Variants in FMNL2 observed in about 807,000 individuals in gnomAD.
FMNL2 encodes formin-like protein 2.
A neutral mutation model predicts 130.2 loss-of-function variants in FMNL2; 51 were observed. That is an observed-to-expected ratio of 0.39 (90% CI 0.31 to 0.49). The LOEUF is 0.49. Ranked by LOEUF, FMNL2 falls within the 20% of genes least tolerant of loss-of-function variation. FMNL2 has a pLI of 0.85. For synonymous variants in FMNL2, 465 were observed against 467.1 expected, an observed-to-expected ratio of 1.00 and a Z score of 0.06; for missense variants, 977 against 1,316.2, an observed-to-expected ratio of 0.74 and a Z score of 3.99.
intron 9 of FMNL2, among the ~76,000 whole-genome samples, chr2:152,589,451 A>G (rs1328569838): frequency 2.0e-5 from 3 of 152,282 alleles, no homozygotes; most frequent in East Asian, 1.9e-4. Context: ...CCCTTATTTC[A>G]TATTCTTGGA....
At position 152,649,123 on chromosome 2, in the gene FMNL2, T is replaced by C. The variant is rs937295364; in HGVS notation, c.*1218T>C. The C allele has an allele frequency of 6.6e-6, 1 of 152,626 alleles. No homozygotes were observed. The highest frequency in any genetic ancestry group is 1.5e-5 in the Non-Finnish European group (1 of 68,030). The allele number at this position is 152,626 out of a possible 1,614,324, so 9.5% of individuals were successfully genotyped here. A position where few individuals can be genotyped will look rare whatever the true frequency, so the allele number is the denominator to read the frequency against. ...AATATATTAATTGTAAAGTTTATTG[T>C]ATAGTATTTAACCGCTGAAGTTCCT... is the stretch of plus-strand genomic sequence containing the variant. On this transcript the variant is annotated 3_prime_UTR_variant, in exon 26 of 26. Coordinates refer to ENST00000288670, the MANE Select transcript of FMNL2 (RefSeq NM_052905.4).
chr2:152,353,591 G>T (rs1185715931), intron 1 of FMNL2, among the ~76,000 whole-genome samples: 1 of 152,122 alleles, frequency 6.6e-6, no homozygotes, highest in Admixed American at 6.5e-5. Context: ...TTTGAATCAG[G>T]ATTTTGCTGC....
intron 1 of FMNL2, among the ~76,000 whole-genome samples, chr2:152,407,320 C>T (rs1558836398): frequency 6.6e-6 from 1 of 151,904 alleles, no homozygotes; most frequent in Non-Finnish European, 1.5e-5. Context: ...TTACTATTAG[C>T]AGATGCTATT....
At chr2:152,593,860 AGTGTGTGTGTGTGTGTGTGTGTGTGTGT>A (rs70974873) in intron 9 of FMNL2, among the ~76,000 whole-genome samples, 4 of 113,294 alleles carry the variant, frequency 3.5e-5, no homozygotes, top group African/African-American at 1.4e-4. Context: ...AGAGAGAGAG[AGTGTGTGTGTGTGTGTGTGTGTGTGTGT>A]GTGTGTGTGT....
intron 13 of FMNL2, among the ~76,000 whole-genome samples, chr2:152,617,868 A>T (rs1699037916): frequency 6.6e-6 from 1 of 152,146 alleles, no homozygotes; most frequent in Admixed American, 6.5e-5. Context: ...ATGAAATTGC[A>T]CCTTTTATGT....
chr2:152,422,445 T>G (rs1195236797), intron 1 of FMNL2, among the ~76,000 whole-genome samples: 1 of 152,228 alleles, frequency 6.6e-6, no homozygotes, highest in African/African-American at 2.4e-5. Context: ...ATTCTTTTTT[T>G]GTTAATGGCT....
chr2:152,460,713 A>G (rs960704137), intron 1 of FMNL2, among the ~76,000 whole-genome samples: 12 of 152,246 alleles, frequency 7.9e-5, no homozygotes, highest in Middle Eastern at 3.4e-3. Context: ...TTAGATTCTC[A>G]TAGGAGTGTG....
At chr2:152,571,820 A>G (rs1696182953) in intron 6 of FMNL2, among the ~76,000 whole-genome samples, 2 of 152,194 alleles carry the variant, frequency 1.3e-5, no homozygotes, top group Admixed American at 1.3e-4. Flanking sequence ...AGCATCATGT[A>G]TATACATTAT....
chr2:152,644,842 A>G (rs1234268062), intron 25 of FMNL2, among the ~76,000 whole-genome samples: 1 of 152,196 alleles, frequency 6.6e-6, no homozygotes, highest in African/African-American at 2.4e-5. Context: ...GGGGGAAAAA[A>G]GGGTCAAACT....
chr2:152,510,967 G>A (rs1410461592), intron 1 of FMNL2, among the ~76,000 whole-genome samples: 2 of 152,170 alleles, frequency 1.3e-5, no homozygotes, highest in African/African-American at 4.8e-5. Flanking sequence ...GCTCCTTCAT[G>A]AGTTGATAGT....
intron 1 of FMNL2, among the ~76,000 whole-genome samples, chr2:152,394,557 G>A (rs1431610535): frequency 2.7e-5 from 4 of 150,716 alleles, no homozygotes; most frequent in African/African-American, 9.8e-5. Flanking sequence ...AGGAAATTCA[G>A]AACTCTTACA....
chr2:152,642,697 C>T lies in FMNL2; in HGVS notation c.3169+1783C>T, dbSNP rs531049495. Among the ~76,000 whole-genome samples the T allele has an allele frequency of 2.0e-5, 3 of 152,280 alleles. No individual in the cohort carries two copies. The East Asian group carries it at 5.8e-4, about 29-fold the overall frequency. ...AAGTTGTAGTTAGGGAAGCATCCAG[C>T]CTTGCTCATTAAGAACTTGGAGTTC... On this transcript the variant is annotated intron_variant, in intron 25 of 25. Transcript: ENST00000288670.
intron 6 of FMNL2, among the ~76,000 whole-genome samples, chr2:152,568,010 G>A (rs1162147682): frequency 6.6e-6 from 1 of 152,182 alleles, no homozygotes; most frequent in Non-Finnish European, 1.5e-5. Flanking sequence ...AGCCTGGTTA[G>A]TTCAATTCAG....
At chr2:152,634,869 T>TCAGAAAGCTGTAGTGGATC (rs1357527325) in intron 21 of FMNL2, among the ~76,000 whole-genome samples, 1 of 152,144 alleles carries the variant, frequency 6.6e-6, no homozygotes, top group Non-Finnish European at 1.5e-5. Context: ...TCGCTGGAAT[T>TCAGAAAGCTGTAGTGGATC]CAGAAAGCTG....
At chr2:152,353,950 A>G (rs2105786212) in intron 1 of FMNL2, among the ~76,000 whole-genome samples, 1 of 152,090 alleles carries the variant, frequency 6.6e-6, no homozygotes, top group Non-Finnish European at 1.5e-5. Flanking sequence ...TGTATTTGCT[A>G]CTCTTGCCAT....
At chr2:152,529,295 A>G (rs1693565729) in intron 2 of FMNL2, among the ~76,000 whole-genome samples, 3 of 152,096 alleles carry the variant, frequency 2.0e-5, no homozygotes. Context: ...GGTAGTACCA[A>G]TTTGTTTGTC....
rs1487639988 is a variant in FMNL2 at position 152,378,036 on chromosome 2, C to T, written c.117+42316C>T. 3.4e-5 allele frequency among the ~76,000 whole-genome samples: 5 copies of T among 148,758 alleles called. No individual in the cohort carries two copies. The East Asian group carries it at 9.9e-4, about 30-fold the overall frequency. On this transcript the variant is annotated intron_variant, in intron 1 of 25. Transcript: ENST00000288670. ...CTGAGGTGGTAGGATTGCTTGAACC[C>T]GGGAGGTGGAGGTTGCAGTGAGCCA...
chr2:152,604,805 A>G (rs1185747425), intron 9 of FMNL2, among the ~76,000 whole-genome samples: 2 of 152,108 alleles, frequency 1.3e-5, no homozygotes, highest in African/African-American at 4.8e-5. Flanking sequence ...CATGTTGGCC[A>G]GGCTGGTCTC....
chr2:152,465,507 A>C (rs187408386), intron 1 of FMNL2, among the ~76,000 whole-genome samples: 24 of 152,322 alleles, frequency 1.6e-4, no homozygotes, highest in African/African-American at 5.8e-4. Flanking sequence ...TAGTATCTTG[A>C]ATGAGGCTTT....
Sources: gnomAD v4.1 joint callset for allele counts (sites outside exome capture counted in the v4.1 genomes callset) on GRCh38, gnomAD v4.1.1 for gene constraint, MANE v1.5 for transcripts, NCBI Gene and HGNC (gene_info 2026-07-23, HGNC 2026-07-21) for gene names.